The following CADM2 variants were observed in gnomAD, a reference collection of about 807,000 sequenced individuals.
CADM2 encodes cell adhesion molecule 2.
CADM2 carries 12 observed loss-of-function variants against 49.8 expected under a neutral mutation model. That is an observed-to-expected ratio of 0.24 (90% CI 0.15 to 0.39). The LOEUF (loss-of-function observed/expected upper bound fraction) is 0.39. Among genes scored for constraint, CADM2 ranks in the 10% least tolerant of loss-of-function variants. The probability of loss-of-function intolerance (pLI) is 1.00; values close to 1 mark genes in which losing one functional copy is unlikely to be tolerated. For synonymous variants in CADM2, 214 were observed against 175.4 expected (o/e 1.22, Z -1.74); for missense variants, 378 against 492.3 (o/e 0.77, Z 2.20).
chr3:85,072,684 T>C (rs2036800049), intron 1 of CADM2, among the ~76,000 whole-genome samples: 1 of 152,070 alleles, frequency 6.6e-6, no homozygotes, highest in Non-Finnish European at 1.5e-5. Flanking sequence ...TCTTTTCCTG[T>C]CTATTAACCA....
intron 1 of CADM2, among the ~76,000 whole-genome samples, chr3:85,490,155 C>A (rs1337136472): frequency 1.3e-5 from 2 of 151,570 alleles, no homozygotes; most frequent in African/African-American, 4.8e-5. Context: ...TTATTTAATT[C>A]TCGCAGAAAT....
intron 1 of CADM2, among the ~76,000 whole-genome samples, chr3:85,689,815 T>C (rs2066328760): frequency 6.6e-6 from 1 of 152,098 alleles, no homozygotes; most frequent in South Asian, 2.1e-4. Flanking sequence ...GTGGAGAATA[T>C]GAAGATAAAT....
At chr3:85,007,475 AC>A (rs2033788963) in intron 1 of CADM2, among the ~76,000 whole-genome samples, 1 of 152,282 alleles carries the variant, frequency 6.6e-6, no homozygotes, top group African/African-American at 2.4e-5. Context: ...TTCTCAACCA[AC>A]CCCTGGTCTA....
chr3:85,130,363 GA>G (rs887069800), intron 1 of CADM2, among the ~76,000 whole-genome samples: 6 of 150,944 alleles, frequency 4.0e-5, no homozygotes, highest in East Asian at 1.9e-4. Flanking sequence ...TACAATTGTT[GA>G]AAAAAAAATC....
At chr3:85,297,250 A>G (rs1243080652) in intron 1 of CADM2, among the ~76,000 whole-genome samples, 1 of 152,052 alleles carries the variant, frequency 6.6e-6, no homozygotes, top group East Asian at 1.9e-4. Context: ...TAATACCAAA[A>G]CAGAAACCAA....
chr3:85,568,518 C>CTTTCTTTCTTT lies in CADM2; in HGVS notation c.62-158004_62-158003insTTTCTTTCTTT, dbSNP rs2062380018. Among the ~76,000 whole-genome samples, 9 of 80,200 alleles carry CTTTCTTTCTTT rather than the reference C, an allele frequency of 1.1e-4. 1 individual carries two copies. Among genetic ancestry groups the CTTTCTTTCTTT allele is most frequent in the African/African-American group, 1.4e-4 (2 of 14,582 alleles). 52.6% of individuals were successfully genotyped at this position (80,200 alleles called of 152,430 possible). On this transcript the variant is annotated intron_variant, in intron 1 of 9. Transcript: ENST00000383699. ...TTCTTTCTTTCTTTCTTTCTTTCCTCCCTCCCTCCCTCTCTCTTTTCTTTC... is the reference window on the plus strand; with the variant it reads ...TTCTTTCTTTCTTTCTTTCTTTCCTCTTTCTTTCTTTCCTCCCTCCCTCTCTCTTTTCTTTC...
chr3:85,468,270 C>T (rs2038609163), intron 1 of CADM2, among the ~76,000 whole-genome samples: 1 of 150,944 alleles, frequency 6.6e-6, no homozygotes, highest in Non-Finnish European at 1.5e-5. Context: ...GGGTTTTCTG[C>T]AGGTACTCTG....
At chr3:85,877,783 C>T in intron 3 of CADM2, among the ~76,000 whole-genome samples, 1 of 143,666 alleles carries the variant, frequency 7.0e-6, no homozygotes. Context: ...CTCTTTTTCA[C>T]TCTGTTCTTA....
chr3:85,420,192 C>T (rs967637130), intron 1 of CADM2, among the ~76,000 whole-genome samples: 2 of 152,152 alleles, frequency 1.3e-5, no homozygotes, highest in East Asian at 3.9e-4. Flanking sequence ...TGCCATTCTA[C>T]ATGTTTACAC....
At chr3:85,174,644 CTACT>C (rs1559703218) in intron 1 of CADM2, among the ~76,000 whole-genome samples, 1 of 151,912 alleles carries the variant, frequency 6.6e-6, no homozygotes, top group African/African-American at 2.4e-5. Context: ...CTTTTAATTG[CTACT>C]TACTTAATAT....
intron 1 of CADM2, among the ~76,000 whole-genome samples, chr3:85,276,400 ATTAAATAAC>A (rs1388325414): frequency 6.6e-6 from 1 of 151,368 alleles, no homozygotes; most frequent in East Asian, 1.9e-4. Flanking sequence ...CACAACATGG[ATTAAATAAC>A]TTATATTACA....
chr3:85,207,766 A>G (rs529097831), intron 1 of CADM2, among the ~76,000 whole-genome samples: 125 of 152,290 alleles, frequency 8.2e-4, no homozygotes, highest in Non-Finnish European at 1.5e-3. Flanking sequence ...TTTAATTTGA[A>G]TCATTTAATT....
At chr3:85,639,538 G>T (rs2064639795) in intron 1 of CADM2, among the ~76,000 whole-genome samples, 1 of 151,946 alleles carries the variant, frequency 6.6e-6, no homozygotes, top group African/African-American at 2.4e-5. Flanking sequence ...TTGTCTTACT[G>T]TTTTTTTCAT....
intron 1 of CADM2, among the ~76,000 whole-genome samples, chr3:84,975,743 G>C (rs1438038003): frequency 6.6e-6 from 1 of 151,828 alleles, no homozygotes; most frequent in East Asian, 1.9e-4. Context: ...TTTATCTGTG[G>C]AAGACAGAAT....
chr3:85,973,978 G>T lies in CADM2; in HGVS notation c.970+12331G>T, dbSNP rs375551403. Among the ~76,000 whole-genome samples, 7 of 151,832 alleles carry T rather than the reference G, an allele frequency of 4.6e-5. No individual in the cohort carries two copies. The East Asian group carries it at 1.4e-3, about 30-fold the overall frequency. The stretch of plus-strand genomic sequence containing the variant: ...TAGCATTTTGTTAGGTATCAGGAAA[G>T]GATGGCTATTCTGAAATGAAAAGCT... On this transcript the variant is annotated intron_variant, in intron 8 of 9. Transcript: ENST00000383699.
rs1553743606 is a variant in CADM2 at position 85,568,444 on chromosome 3, T to TTTCTTTCA, written c.62-158071_62-158070insATTCTTTC. Among the ~76,000 whole-genome samples, 137 of 37,812 alleles carry TTTCTTTCA rather than the reference T, an allele frequency of 3.6e-3. 10 individuals are homozygous for TTTCTTTCA. Among genetic ancestry groups the TTTCTTTCA allele is most frequent in the East Asian group, 0.03 (17 of 562 alleles). The allele number at this position is 37,812 out of a possible 152,430, so 24.8% of individuals were successfully genotyped here. A position where few individuals can be genotyped will look rare whatever the true frequency, so the allele number is the denominator to read the frequency against. On this transcript the variant is annotated intron_variant, in intron 1 of 9. Transcript: ENST00000383699. Reference sequence around the variant, plus strand: ...CTTTCTTTCTTTCTTTCTTTCTTTCTTTCTTTCTTTCTTTCTTTCTCTTTC... The same window carrying TTTCTTTCA: ...CTTTCTTTCTTTCTTTCTTTCTTTCTTTCTTTCATTCTTTCTTTCTTTCTTTCTCTTTC...
At chr3:85,367,688 T>A (rs1252887310) in intron 1 of CADM2, among the ~76,000 whole-genome samples, 1 of 151,980 alleles carries the variant, frequency 6.6e-6, no homozygotes, top group East Asian at 1.9e-4. Flanking sequence ...AGGCATACAA[T>A]GCTACTATTG....
intron 1 of CADM2, among the ~76,000 whole-genome samples, chr3:85,155,368 T>C (rs2040074421): frequency 6.6e-6 from 1 of 151,598 alleles, no homozygotes; most frequent in Non-Finnish European, 1.5e-5. Flanking sequence ...GGTAAAGGGA[T>C]CAATTCAACA....
Position 85,704,870 on chromosome 3 carries a change from T to TA in CADM2, c.62-21652_62-21651insA, listed in dbSNP as rs1232969918. Among the ~76,000 whole-genome samples, 81 of 150,604 alleles carry TA rather than the reference T, an allele frequency of 5.4e-4. 2 individuals carry two copies. The highest frequency in any genetic ancestry group is 5.8e-4 in the East Asian group (3 of 5,138). ...TATTTATTTATTATTATTATTATTT[T>TA]TTTTTTTTGATGGAGTCTCGCTCTG... On this transcript the variant is annotated intron_variant, in intron 1 of 9. Coordinates refer to ENST00000383699, the MANE Select transcript of CADM2 (RefSeq NM_001167675.2).
Sources: allele counts gnomAD v4.1 joint callset (sites outside exome capture counted in the v4.1 genomes callset), GRCh38; gene constraint gnomAD v4.1.1; transcripts MANE v1.5; gene names NCBI Gene and HGNC (gene_info 2026-07-23, HGNC 2026-07-21).